COL5A2: variants seen among roughly 807,000 people sequenced by gnomAD.
COL5A2 encodes the protein collagen alpha-2(V) chain.
In COL5A2, 23 loss-of-function variants were observed where a neutral mutation model predicts 208.2. The observed-to-expected ratio is 0.11, with a 90% CI of 0.08 to 0.16. The LOEUF is 0.16. COL5A2 is among the 10% of genes least tolerant of loss of function. The pLI is 1.00. For synonymous variants in COL5A2, 625 were observed against 628.5 expected (o/e 0.99, Z 0.08); for missense variants, 1,590 against 1,956.4 (o/e 0.81, Z 3.53).
At chr2:189,085,620 C>A in intron 10 of COL5A2, 99 bp downstream of exon 10, 1 of 1,003,220 alleles carries the variant, frequency 1.0e-6, no homozygotes, top group Non-Finnish European at 1.6e-6. Context: ...TTTCTTCCTA[C>A]ATTAGGGAGG....
At position 189,194,898 on chromosome 2, in the gene COL5A2, C is replaced by T. The variant is rs546269903; in HGVS notation, c.-42+30250G>A. ...TGGTTCTGTTTACATGATGGATTACCTTTACTGATTTGTGTATGTTGAACA... is the reference window on the plus strand; with the variant it reads ...TGGTTCTGTTTACATGATGGATTACTTTTACTGATTTGTGTATGTTGAACA... On this transcript the variant is annotated intron_variant, in intron 1 of 10. Transcript: ENST00000649966. 2.6e-5 allele frequency among the ~76,000 whole-genome samples: 4 copies of T among 152,130 alleles called. No individual in the cohort carries two copies. In the South Asian group the frequency reaches 8.3e-4, roughly 32 times the overall value.
the COL5A2 span, among the ~76,000 whole-genome samples, chr2:189,332,297 C>T: frequency 4.5e-4 from 69 of 152,188 alleles, no homozygotes; most frequent in African/African-American, 1.5e-3. Flanking sequence ...TTGACCTACT[C>T]GGCATTAATA....
chr2:189,216,193 T>G (rs1397271065), intron 1 of COL5A2, among the ~76,000 whole-genome samples: 1 of 152,144 alleles, frequency 6.6e-6, no homozygotes, highest in Non-Finnish European at 1.5e-5. Context: ...ATTTGCAAAA[T>G]GAAAATAATA....
At chr2:189,066,823 T>C in intron 21 of COL5A2, 41 bp from the exon 22 acceptor site, 1 of 1,479,408 alleles carries the variant, frequency 6.8e-7, no homozygotes, top group Non-Finnish European at 9.5e-7. Flanking sequence ...CCAGGACATT[T>C]AGCTAGTCCA....
chr2:189,263,683 T>G, the COL5A2 span, among the ~76,000 whole-genome samples: 1 of 152,278 alleles, frequency 6.6e-6, no homozygotes, highest in African/African-American at 2.4e-5. Context: ...TTAAATCTTT[T>G]ATATCATATT....
the COL5A2 span, among the ~76,000 whole-genome samples, chr2:189,316,353 T>A: frequency 6.6e-6 from 1 of 152,098 alleles, no homozygotes; most frequent in Non-Finnish European, 1.5e-5. Context: ...CATACTAATA[T>A]AGGAATAGAA....
chr2:189,051,188 T>C (rs1685779057), intron 42 of COL5A2, 132 bp downstream of exon 42: 11 of 1,069,504 alleles, frequency 1.0e-5, no homozygotes, highest in Admixed American at 2.1e-5. Context: ...CCTTATAGAT[T>C]TAATGCACTT....
upstream of COL5A2, among the ~76,000 whole-genome samples, chr2:189,229,642 T>C (rs1689457365): frequency 6.6e-6 from 1 of 151,660 alleles, no homozygotes; most frequent in African/African-American, 2.4e-5. Context: ...AAAAGACTTG[T>C]ACACTAAAAA....
chr2:189,080,164 C>G, intron 13 of COL5A2, 133 bp from the exon 14 acceptor site: 1 of 695,100 alleles, frequency 1.4e-6, no homozygotes, highest in Non-Finnish European at 2.5e-6. Flanking sequence ...GCTCAAAATA[C>G]TTTCAAATTC....
the COL5A2 span, among the ~76,000 whole-genome samples, chr2:189,321,485 T>C: frequency 6.6e-6 from 1 of 151,626 alleles, no homozygotes; most frequent in African/African-American, 2.4e-5. Context: ...TACAAGCAAA[T>C]GGAAAACAAA....
In COL5A2 at chr2:189,036,603, CATATT is replaced by C; in HGVS notation, c.4113+8_4113+12del. 1 of 1,593,038 alleles carries C rather than the reference CATATT, an allele frequency of 6.3e-7. No homozygotes were observed. The highest frequency in any genetic ancestry group is 2.2e-5 in the East Asian group (1 of 44,654). On this transcript the variant is annotated splice_region_variant and intron_variant, in intron 52 of 53. Coordinates refer to ENST00000374866, the MANE Select transcript of COL5A2 (RefSeq NM_000393.5). ...AGTAAAGAATACAATTTTAAGTAAA[CATATT>C]AAATTACCTGAGACCCTCTGTTCAT...
chr2:189,054,169 G>A lies in COL5A2; in HGVS notation c.2435C>T (p.Thr812Ile), dbSNP rs760860107. The A allele has an allele frequency of 6.2e-7, 1 of 1,613,970 alleles. No homozygotes were observed. The highest frequency in any genetic ancestry group is 8.5e-7 in the Non-Finnish European group (1 of 1,179,890). Residue 812 changes from threonine to isoleucine, a missense_variant, in exon 36 of 54, where the codon ACT (threonine) becomes ATT (isoleucine). Coordinates refer to ENST00000374866, the MANE Select transcript of COL5A2 (RefSeq NM_000393.5). ...PLGPPGPAGPTGEKGEPGPRG... is the reference protein window; with the variant it reads ...PLGPPGPAGPIGEKGEPGPRG... ...CAACTTGTGACTTACCTTTTCTCCA[G>A]TAGGACCTGCCGGACCTGGAGGGCC... is the stretch of plus-strand genomic sequence containing the variant.
chr2:189,261,308 T>C, the COL5A2 span, among the ~76,000 whole-genome samples: 4 of 152,306 alleles, frequency 2.6e-5, no homozygotes, highest in East Asian at 7.7e-4. Flanking sequence ...GATATCTACA[T>C]ACATATGTTG....
chr2:189,159,492 T>C (rs1015304987), intron 1 of COL5A2, among the ~76,000 whole-genome samples: 1 of 152,166 alleles, frequency 6.6e-6, no homozygotes, highest in African/African-American at 2.4e-5. Flanking sequence ...ATTAGGATTG[T>C]CTCACTGAAT....
chr2:189,188,224 A>G (rs1031643300), intron 1 of COL5A2, among the ~76,000 whole-genome samples: 1 of 152,166 alleles, frequency 6.6e-6, no homozygotes, highest in Non-Finnish European at 1.5e-5. Flanking sequence ...TTCACTGCAA[A>G]AATTTCCACC....
the COL5A2 span, among the ~76,000 whole-genome samples, chr2:189,338,024 T>C: frequency 2.0e-5 from 3 of 152,240 alleles, no homozygotes; most frequent in African/African-American, 7.2e-5. Context: ...TTGGTTGTTT[T>C]AATTTTTTTA....
At chr2:189,253,431 G>A in the COL5A2 span, among the ~76,000 whole-genome samples, 1 of 152,198 alleles carries the variant, frequency 6.6e-6, no homozygotes, top group Admixed American at 6.5e-5. Flanking sequence ...TCCATACCGA[G>A]TTCTTGGCAA....
intron 1 of COL5A2, among the ~76,000 whole-genome samples, chr2:189,129,159 A>G (rs972831430): frequency 5.3e-5 from 8 of 151,962 alleles, no homozygotes; most frequent in African/African-American, 1.9e-4. Context: ...AAAAAAAAAA[A>G]GAAAAACATT....
At chr2:189,151,555 T>G (rs930056903) in intron 1 of COL5A2, among the ~76,000 whole-genome samples, 14 of 152,142 alleles carry the variant, frequency 9.2e-5, no homozygotes, top group Non-Finnish European at 1.5e-4. Flanking sequence ...CACCTGACAT[T>G]TAGTTTTTGC....
Sources: gnomAD v4.1 joint callset for allele counts (sites outside exome capture counted in the v4.1 genomes callset) on GRCh38, gnomAD v4.1.1 for gene constraint, MANE v1.5 for transcripts, NCBI Gene and HGNC (gene_info 2026-07-23, HGNC 2026-07-21) for gene names.